The following MDN1 variants were observed in gnomAD, a reference collection of about 807,000 sequenced individuals.
MDN1 encodes midasin.
In MDN1, 266 loss-of-function variants were observed where a neutral mutation model predicts 669.2. The ratio of observed to expected loss-of-function variants is 0.40; its 90% CI spans 0.36 to 0.44. The LOEUF is 0.44. Among genes scored for constraint, MDN1 ranks in the 20% least tolerant of loss-of-function variants. MDN1 has a pLI of 1.00. For synonymous variants in MDN1, 2,385 were observed against 2,457.1 expected (o/e 0.97, Z 0.87); for missense variants, 5,940 against 6,754.0 (o/e 0.88, Z 4.22).
chr6:89,676,254 C>G (rs1431816440), intron 76 of MDN1, 47 bp from the exon 77 acceptor site: 1 of 1,529,266 alleles, frequency 6.5e-7, no homozygotes, highest in African/African-American at 1.4e-5. Context: ...CCACGCTCTC[C>G]CACCCCAGAT....
At chr6:89,809,142 G>A (rs1288432961) in intron 1 of MDN1, among the ~76,000 whole-genome samples, 2 of 149,054 alleles carry the variant, frequency 1.3e-5, no homozygotes, top group Non-Finnish European at 3.0e-5. Flanking sequence ...ACTTGAGCCC[G>A]GAAGGTTGAG....
intron 1 of MDN1, among the ~76,000 whole-genome samples, chr6:89,805,138 T>C (rs1486275829): frequency 6.6e-6 from 1 of 151,750 alleles, no homozygotes; most frequent in African/African-American, 2.4e-5. Context: ...ATATTGCTAG[T>C]GTGTATACAG....
At chr6:89,787,658 C>CGG (rs397694064) in intron 8 of MDN1, among the ~76,000 whole-genome samples, 196 bp downstream of exon 8, 2 of 92,356 alleles carry the variant, frequency 2.2e-5, no homozygotes, top group Non-Finnish European at 4.7e-5. Context: ...ATTTTTAAGT[C>CGG]GGGGGGGGGA....
At chr6:89,685,683 T>A (rs928530533) in intron 70 of MDN1, 144 bp downstream of exon 70, 1 of 881,722 alleles carries the variant, frequency 1.1e-6, no homozygotes. Flanking sequence ...CTTCTCTATA[T>A]CTAATGTGAA....
rs768053556 is a variant in MDN1, at chr6:89,694,068, T to C, written c.9881+6A>G. The C allele has an allele frequency of 6.8e-6, 11 of 1,608,652 alleles. No individual in the cohort carries two copies. Among genetic ancestry groups the C allele is most frequent in the Non-Finnish European group, 9.4e-6 (11 of 1,175,060 alleles). ...CCCAAAACAAATAATCACTCTGCTG[T>C]GTTACCTGACGTGAGGATGAGAGTA... On this transcript the variant is annotated splice_donor_region_variant and intron_variant, in intron 62 of 101. Coordinates refer to ENST00000369393, the MANE Select transcript of MDN1 (RefSeq NM_014611.3).
rs1811546462 is a variant in MDN1 at position 89,680,638 on chromosome 6, C to T, written c.12216G>A (p.Met4072Ile). The T allele has an allele frequency of 1.9e-6, 3 of 1,614,194 alleles. No homozygotes were observed. The highest frequency in any genetic ancestry group is 2.5e-6 in the Non-Finnish European group (3 of 1,180,044). ...KRMRKMCLTF[M>I]KESPLPRLVE... Reference sequence around the variant, plus strand: ...CAAGGCGAGGCAGGGGGCTCTCCTTCATGAACGTCAGGCACATCTTCCTCA... The same window carrying T: ...CAAGGCGAGGCAGGGGGCTCTCCTTTATGAACGTCAGGCACATCTTCCTCA... The change falls in exon 74 of 102, where the codon ATG (methionine) becomes ATA (isoleucine). Residue 4072 changes from methionine (M) to isoleucine (I), a missense_variant. Coordinates refer to ENST00000369393, the MANE Select transcript of MDN1 (RefSeq NM_014611.3).
At chr6:89,649,906 T>TTTAGCCATATCATATTTAAAGCA in intron 97 of MDN1, 118 bp downstream of exon 97, 2 of 1,057,570 alleles carry the variant, frequency 1.9e-6, no homozygotes. Flanking sequence ...TTCAAAATGT[T>TTTAGCCATATCATATTTAAAGCA]TTAGCCATAT....
At chr6:89,665,176 T>C (rs1810099026) in intron 84 of MDN1, among the ~76,000 whole-genome samples, 1 of 151,986 alleles carries the variant, frequency 6.6e-6, no homozygotes, top group South Asian at 2.1e-4. Flanking sequence ...CACAAGCACA[T>C]ACAACCACAC....
chr6:89,727,124 T>C (rs1271842329), intron 37 of MDN1, among the ~76,000 whole-genome samples: 1 of 152,104 alleles, frequency 6.6e-6, no homozygotes, highest in African/African-American at 2.4e-5. Context: ...CTCCTTGTTA[T>C]CCCAAGAATA....
intron 2 of MDN1, among the ~76,000 whole-genome samples, chr6:89,796,010 G>T (rs1030365422): frequency 6.6e-6 from 1 of 151,438 alleles, no homozygotes. Flanking sequence ...CCAATGCCAT[G>T]GAAATAAAAA....
intron 39 of MDN1, 34 bp from the exon 40 acceptor site, chr6:89,723,177 C>T: frequency 1.3e-6 from 2 of 1,593,884 alleles, no homozygotes; most frequent in Non-Finnish European, 1.7e-6. Context: ...GGAAACATGC[C>T]CTGCTTACTA....
intron 1 of MDN1, chr6:89,815,118 C>T (rs1768729405): frequency 5.0e-6 from 2 of 403,414 alleles, no homozygotes. Context: ...TATGGAGCTG[C>T]CCCTGACCAC....
In MDN1 at chr6:89,751,596, A is replaced by C. The variant is rs1816957841; in HGVS notation, c.3076-14T>G. The C allele has an allele frequency of 6.2e-7, 1 of 1,611,338 alleles. No individual in the cohort carries two copies. Among genetic ancestry groups the C allele is most frequent in the Non-Finnish European group, 8.5e-7 (1 of 1,178,958 alleles). ...CTCTGGAATAGGCTGAAAGACACAG[A>C]AGTTCAAGGAATAACCCACAGTTGT... On this transcript the variant is annotated splice_polypyrimidine_tract_variant and intron_variant, in intron 22 of 101. Coordinates refer to ENST00000369393, the MANE Select transcript of MDN1 (RefSeq NM_014611.3).
chr6:89,751,201 T>C (rs1464149589), intron 23 of MDN1, among the ~76,000 whole-genome samples: 3 of 152,174 alleles, frequency 2.0e-5, no homozygotes, highest in Non-Finnish European at 4.4e-5. Flanking sequence ...AAAAGATAAC[T>C]TTAAAGATAG....
intron 9 of MDN1, among the ~76,000 whole-genome samples, chr6:89,782,707 G>A (rs1584363749): frequency 1.3e-5 from 2 of 152,098 alleles, no homozygotes; most frequent in African/African-American, 4.8e-5. Flanking sequence ...TTGGCAGGCT[G>A]AGGTGAGTGG....
intron 50 of MDN1, among the ~76,000 whole-genome samples, chr6:89,709,917 G>C (rs748500225): frequency 6.6e-6 from 1 of 152,156 alleles, no homozygotes; most frequent in Non-Finnish European, 1.5e-5. Flanking sequence ...TTTTCTCAGA[G>C]ACAGGGTCTG....
In MDN1 at chr6:89,648,038, A is replaced by T; in HGVS notation, c.16389T>A (p.Ile5463=). The stretch of plus-strand genomic sequence containing the variant: ...TTTTATTTCATCCTCTTACCTGAGC[A>T]ATCTTGGTTTTCTTTTGTTGGAATT... ...LCKFQQKKTK[I]AQFLESVANM... is the part of the protein sequence containing the mutation. The change falls in exon 99 of 102, where the codon ATT becomes ATA. Residue 5463 remains isoleucine (I), a synonymous_variant. Coordinates refer to ENST00000369393, the MANE Select transcript of MDN1 (RefSeq NM_014611.3). 6.2e-7 allele frequency: 1 copy of T among 1,609,550 alleles called. No homozygotes were observed. Among genetic ancestry groups the T allele is most frequent in the Non-Finnish European group, 8.5e-7 (1 of 1,175,746 alleles).
Position 89,673,307 on chromosome 6 carries a change from C to A in MDN1, c.13403G>T (p.Gly4468Val), listed in dbSNP as rs762614042. 3.1e-6 allele frequency: 5 copies of A among 1,614,038 alleles called. No individual in the cohort carries two copies. The highest frequency in any genetic ancestry group is 2.7e-5 in the African/African-American group (2 of 74,912). Residue 4468 changes from glycine (G) to valine (V), a missense_variant, in exon 80 of 102, where the codon GGA (glycine) becomes GTA (valine). By Grantham distance (109) the Gly-to-Val change is moderately radical (BLOSUM62 -3). Coordinates refer to ENST00000369393, the MANE Select transcript of MDN1 (RefSeq NM_014611.3). ...GTCAGCCATGGCTTTACTAATTTCT[C>A]CTCTTACATATTCCAGACTTTCAAC... ...ALVESLEYVR[G>V]EISKAMADFT...
Position 89,738,142 on chromosome 6 carries a change from C to T in MDN1, c.4723+184G>A, listed in dbSNP as rs556482952. Among the ~76,000 whole-genome samples, 42 of 152,276 alleles carry T rather than the reference C, an allele frequency of 2.8e-4. 1 individual carries two copies. The highest frequency in any genetic ancestry group is 1.1e-3 in the Admixed American group (17 of 15,294). On this transcript the variant is annotated intron_variant, in intron 33 of 101. Transcript: ENST00000369393. ...TAATGATGAAAATATGAAGATGGGA[C>T]ACTTTAACAGAAGGTAACAGAATAG...
Sources: allele counts gnomAD v4.1 joint callset (sites outside exome capture counted in the v4.1 genomes callset), GRCh38; gene constraint gnomAD v4.1.1; transcripts MANE v1.5; gene names NCBI Gene and HGNC (gene_info 2026-07-23, HGNC 2026-07-21).